RABEP1: variants seen among roughly 807,000 people sequenced by gnomAD.
RABEP1 encodes rab GTPase-binding effector protein 1.
Under a neutral mutation model 123.4 loss-of-function variants are expected in RABEP1, and 51 were observed. The ratio of observed to expected loss-of-function variants is 0.41; its 90% confidence interval spans 0.33 to 0.52. RABEP1 has a LOEUF of 0.52. RABEP1 is among the 20% of genes least tolerant of loss of function. The pLI, the probability that RABEP1 is intolerant of heterozygous loss-of-function variation, is 0.16. For synonymous variants in RABEP1, 347 were observed against 355.2 expected, an observed-to-expected ratio of 0.98 and a Z score of 0.26; for missense variants, 888 against 996.3, an observed-to-expected ratio of 0.89 and a Z score of 1.46.
chr17:5,358,418 C>T (rs141651875), intron 8 of RABEP1, among the ~76,000 whole-genome samples: 34 of 151,446 alleles, frequency 2.2e-4, no homozygotes, highest in African/African-American at 7.6e-4. Context: ...CAAGTGTAAT[C>T]GCAGCACTTT....
At chr17:5,310,035 G>C (rs2075220884) in intron 2 of RABEP1, among the ~76,000 whole-genome samples, 1 of 152,196 alleles carries the variant, frequency 6.6e-6, no homozygotes, top group Non-Finnish European at 1.5e-5. Context: ...TTAAACCACA[G>C]TATGTTTGGG....
chr17:5,344,998 G>C (rs1174085068), intron 5 of RABEP1, among the ~76,000 whole-genome samples: 1 of 151,998 alleles, frequency 6.6e-6, no homozygotes, highest in African/African-American at 2.4e-5. Flanking sequence ...CAGGTAAAGT[G>C]TATGAGCTGT....
At chr17:5,313,130 G>A (rs2144537501) in intron 2 of RABEP1, among the ~76,000 whole-genome samples, 2 of 152,172 alleles carry the variant, frequency 1.3e-5, no homozygotes, top group African/African-American at 4.8e-5. Context: ...AGTTCTATCT[G>A]GTTATTCAGT....
intron 5 of RABEP1, among the ~76,000 whole-genome samples, chr17:5,340,732 A>G (rs907875991): frequency 6.6e-6 from 1 of 151,712 alleles, no homozygotes; most frequent in African/African-American, 2.4e-5. Flanking sequence ...GGATCGCCTG[A>G]GGTCAGGAGT....
intron 1 of RABEP1, among the ~76,000 whole-genome samples, chr17:5,297,480 A>G (rs565870346): frequency 1.3e-5 from 2 of 152,326 alleles, no homozygotes; most frequent in South Asian, 2.1e-4. Flanking sequence ...ACCTGTAATC[A>G]TGGGGAAATC....
intron 1 of RABEP1, among the ~76,000 whole-genome samples, chr17:5,284,458 G>A: frequency 6.6e-6 from 1 of 151,886 alleles, no homozygotes; most frequent in South Asian, 2.1e-4. Context: ...TTCATCTTGG[G>A]GATTTTAATT....
At chr17:5,301,384 C>G (rs1274246410) in intron 1 of RABEP1, among the ~76,000 whole-genome samples, 2 of 152,068 alleles carry the variant, frequency 1.3e-5, no homozygotes, top group Non-Finnish European at 2.9e-5. Flanking sequence ...TTTTGGGAAG[C>G]TGAAACTCAT....
intron 2 of RABEP1, 108 bp downstream of exon 2, chr17:5,308,930 G>A (rs551761221): frequency 1.6e-4 from 178 of 1,121,104 alleles, no homozygotes; most frequent in Non-Finnish European, 2.1e-4. Flanking sequence ...GATTTTATTT[G>A]TACTTGCATA....
chr17:5,383,840 T>C lies in RABEP1; in HGVS notation c.*617T>C, dbSNP rs1911713858. On this transcript the variant is annotated 3_prime_UTR_variant, in exon 18 of 18. Coordinates refer to ENST00000537505, the MANE Select transcript of RABEP1 (RefSeq NM_004703.6). ...ATAGGACTGTGGCAAACAAAACCAA[T>C]TCATGAAGTGAATTAATGATGAGGA... 4.5e-6 allele frequency: 1 copy of C among 223,496 alleles called. No homozygotes were observed. Among genetic ancestry groups the C allele is most frequent in the Non-Finnish European group, 8.9e-6 (1 of 112,046 alleles). 13.8% of individuals were successfully genotyped at this position (223,496 alleles called of 1,614,324 possible).
chr17:5,386,070 A>C lies in RABEP1; in HGVS notation c.*2847A>C. On this transcript the variant is annotated 3_prime_UTR_variant, in exon 18 of 18. Coordinates refer to ENST00000537505, the MANE Select transcript of RABEP1 (RefSeq NM_004703.6). ...GCATTTACTCAATTATTATAAAACA[A>C]CATATTTAAAAAGATGAACCACACC... The C allele has an allele frequency of 1.6e-6, 1 of 632,214 alleles. No homozygotes were observed. The highest frequency in any genetic ancestry group is 2.8e-6 in the Non-Finnish European group (1 of 361,616). 39.2% of individuals were successfully genotyped at this position (632,214 alleles called of 1,614,324 possible). A position where few individuals can be genotyped will look rare whatever the true frequency, so the allele number is the denominator to read the frequency against.
intron 6 of RABEP1, among the ~76,000 whole-genome samples, 193 bp from the exon 7 acceptor site, chr17:5,350,258 T>C (rs539206810): frequency 6.6e-6 from 1 of 152,144 alleles, no homozygotes; most frequent in Admixed American, 6.5e-5. Flanking sequence ...CAGGCGCCTG[T>C]AGTCCCAGCT....
At chr17:5,314,959 G>A (rs1021802953) in intron 2 of RABEP1, among the ~76,000 whole-genome samples, 1 of 152,096 alleles carries the variant, frequency 6.6e-6, no homozygotes, top group African/African-American at 2.4e-5. Context: ...AGTAAGAGAC[G>A]GTTACGTGAA....
intron 11 of RABEP1, among the ~76,000 whole-genome samples, chr17:5,367,323 G>C (rs1233989722): frequency 6.6e-6 from 1 of 151,732 alleles, no homozygotes; most frequent in Non-Finnish European, 1.5e-5. Context: ...CCAGGCTAGA[G>C]TGCAGTGGCA....
intron 2 of RABEP1, among the ~76,000 whole-genome samples, chr17:5,323,995 G>A (rs1905715814): frequency 6.6e-6 from 1 of 151,526 alleles, no homozygotes; most frequent in Non-Finnish European, 1.5e-5. Context: ...AATTAATATT[G>A]TTGAAATGAC....
intron 2 of RABEP1, among the ~76,000 whole-genome samples, chr17:5,328,454 G>A (rs1033032735): frequency 6.6e-6 from 1 of 150,944 alleles, no homozygotes; most frequent in Non-Finnish European, 1.5e-5. Flanking sequence ...AGACTAGCCT[G>A]GGCAGCATGA....
At chr17:5,329,697 G>T (rs778311087) in intron 2 of RABEP1, among the ~76,000 whole-genome samples, 1 of 151,670 alleles carries the variant, frequency 6.6e-6, no homozygotes, top group African/African-American at 2.4e-5. Context: ...TCCTACTGTT[G>T]GCAAACATAA....
At position 5,338,148 on chromosome 17, in the gene RABEP1, C is replaced by G; in HGVS notation, c.648+10C>G. On this transcript the variant is annotated intron_variant, in intron 5 of 17. Transcript: ENST00000537505. ...GCTGGAGGCCTCAAAGGTTATGAAA[C>G]ATTGTAATCCATTTGCTTGAAACCC... 6.2e-7 allele frequency: 1 copy of G among 1,604,510 alleles called. No homozygotes were observed. Among genetic ancestry groups the G allele is most frequent in the Non-Finnish European group, 8.5e-7 (1 of 1,176,046 alleles).
At chr17:5,286,767 A>C (rs1321840452) in intron 1 of RABEP1, among the ~76,000 whole-genome samples, 1 of 152,204 alleles carries the variant, frequency 6.6e-6, no homozygotes, top group Non-Finnish European at 1.5e-5. Flanking sequence ...ACCCTGCCCT[A>C]GTGTGGGAGA....
intron 3 of RABEP1, 42 bp downstream of exon 3, chr17:5,332,194 T>C (rs564408797): frequency 3.2e-4 from 487 of 1,544,848 alleles, no homozygotes; most frequent in Middle Eastern, 5.3e-4. Flanking sequence ...TTCTAAGATA[T>C]CCGATTCTGA....
Sources: gnomAD v4.1 joint callset for allele counts (sites outside exome capture counted in the v4.1 genomes callset) on GRCh38, gnomAD v4.1.1 for gene constraint, MANE v1.5 for transcripts, NCBI Gene and HGNC (gene_info 2026-07-23, HGNC 2026-07-21) for gene names.